Variants in NKAIN3 observed in about 807,000 individuals in gnomAD.
NKAIN3 encodes the protein sodium/potassium-transporting ATPase subunit beta-1-interacting protein 3.
Under a neutral mutation model 30.2 loss-of-function variants are expected in NKAIN3, and 25 were observed. The observed-to-expected ratio is 0.83, with a 90% CI of 0.60 to 1.16. The LOEUF (loss-of-function observed/expected upper bound fraction) is 1.16, where lower values mean the gene tolerates loss of function less well. Ranked by LOEUF, NKAIN3 falls within the 50% of genes most tolerant of loss-of-function variation. NKAIN3 has a pLI of 0.00. For synonymous variants in NKAIN3, 91 were observed against 89.6 expected (o/e 1.02, Z -0.09); for missense variants, 225 against 254.1 (o/e 0.89, Z 0.78).
At chr8:62,936,164 AC>A (rs1822781319) in intron 5 of NKAIN3, among the ~76,000 whole-genome samples, 1 of 152,136 alleles carries the variant, frequency 6.6e-6, no homozygotes. Flanking sequence ...TTGCAGAAGA[AC>A]TTGGCCATCT....
chr8:62,899,055 G>A (rs1821521716), intron 4 of NKAIN3, among the ~76,000 whole-genome samples: 1 of 152,118 alleles, frequency 6.6e-6, no homozygotes, highest in African/African-American at 2.4e-5. Flanking sequence ...AGTTAAAATG[G>A]CTTATATCCA....
chr8:62,988,912 G>A (rs527857189), downstream of NKAIN3, among the ~76,000 whole-genome samples: 16 of 152,234 alleles, frequency 1.1e-4, no homozygotes, highest in South Asian at 8.3e-4. Flanking sequence ...ATGCGTCACC[G>A]CTTAAAAATT....
intron 6 of NKAIN3, among the ~76,000 whole-genome samples, chr8:62,958,334 A>G (rs1823479542): frequency 6.6e-6 from 1 of 152,068 alleles, no homozygotes; most frequent in Admixed American, 6.5e-5. Context: ...GCCTGGGGAC[A>G]TGTGATACAC....
At chr8:62,271,656 T>C (rs1300735467) in intron 1 of NKAIN3, among the ~76,000 whole-genome samples, 1 of 152,172 alleles carries the variant, frequency 6.6e-6, no homozygotes, top group Non-Finnish European at 1.5e-5. Context: ...AAGGGTCTCA[T>C]TGGTGTGATA....
chr8:62,813,124 C>G (rs1241438229), intron 4 of NKAIN3, among the ~76,000 whole-genome samples: 1 of 151,842 alleles, frequency 6.6e-6, no homozygotes, highest in Non-Finnish European at 1.5e-5. Context: ...ATTAAATGTT[C>G]TTGGCTCCTT....
chr8:62,584,998 C>A (rs1433570796), intron 2 of NKAIN3, among the ~76,000 whole-genome samples: 2 of 152,138 alleles, frequency 1.3e-5, no homozygotes, highest in Admixed American at 6.6e-5. Flanking sequence ...CTTGATTGGG[C>A]AAACAATAAA....
intron 1 of NKAIN3, among the ~76,000 whole-genome samples, chr8:62,558,104 C>A (rs1319187977): frequency 6.6e-6 from 1 of 152,088 alleles, no homozygotes; most frequent in African/African-American, 2.4e-5. Context: ...AGAGGAGGAT[C>A]CAGTTTCATT....
intron 3 of NKAIN3, among the ~76,000 whole-genome samples, chr8:62,664,702 G>T (rs1813045721): frequency 6.6e-6 from 1 of 152,054 alleles, no homozygotes; most frequent in South Asian, 2.1e-4. Context: ...CAGAACATGA[G>T]ATTGTAATGC....
At chr8:62,362,883 C>T (rs1563365445) in intron 1 of NKAIN3, among the ~76,000 whole-genome samples, 1 of 151,718 alleles carries the variant, frequency 6.6e-6, no homozygotes, top group Non-Finnish European at 1.5e-5. Flanking sequence ...TCGGGTTTGC[C>T]TTATTTGAAC....
At chr8:62,873,631 A>G (rs1820711290) in intron 4 of NKAIN3, among the ~76,000 whole-genome samples, 1 of 151,112 alleles carries the variant, frequency 6.6e-6, no homozygotes, top group Admixed American at 6.6e-5. Flanking sequence ...AAATCATAAC[A>G]GTATCTCAGA....
intron 1 of NKAIN3, among the ~76,000 whole-genome samples, chr8:62,495,033 A>T (rs1451353612): frequency 6.6e-6 from 1 of 152,012 alleles, no homozygotes; most frequent in Non-Finnish European, 1.5e-5. Flanking sequence ...TCTGTTTTAA[A>T]GGTTACTTGG....
At chr8:62,787,899 TG>T (rs1264634132) in intron 4 of NKAIN3, among the ~76,000 whole-genome samples, 2 of 152,202 alleles carry the variant, frequency 1.3e-5, no homozygotes, top group Non-Finnish European at 2.9e-5. Flanking sequence ...ATGGTGTATA[TG>T]TGCCACATTT....
At chr8:62,614,066 G>C (rs1200130630) in intron 3 of NKAIN3, among the ~76,000 whole-genome samples, 1 of 152,210 alleles carries the variant, frequency 6.6e-6, no homozygotes, top group Admixed American at 6.5e-5. Flanking sequence ...TCTGGATGGT[G>C]TTGATGCTAG....
intron 1 of NKAIN3, among the ~76,000 whole-genome samples, chr8:62,537,636 T>G (rs1808705038): frequency 6.6e-6 from 1 of 152,042 alleles, no homozygotes; most frequent in Non-Finnish European, 1.5e-5. Context: ...TTATATCTAG[T>G]AATGCTTTAA....
chr8:62,630,096 T>C (rs1811908975), intron 3 of NKAIN3, among the ~76,000 whole-genome samples: 1 of 152,048 alleles, frequency 6.6e-6, no homozygotes, highest in Non-Finnish European at 1.5e-5. Flanking sequence ...ATTAGTAATA[T>C]ATTGTTAATC....
intron 1 of NKAIN3, among the ~76,000 whole-genome samples, chr8:62,497,109 G>A (rs1457784858): frequency 6.6e-6 from 1 of 151,994 alleles, no homozygotes; most frequent in Admixed American, 6.6e-5. Flanking sequence ...ATCTGGAAAA[G>A]ACGTTGTTTC....
intron 3 of NKAIN3, among the ~76,000 whole-genome samples, chr8:62,621,112 GTCT>G (rs1407929859): frequency 1.3e-5 from 2 of 152,108 alleles, no homozygotes; most frequent in Non-Finnish European, 2.9e-5. Context: ...TCATTTACAT[GTCT>G]TCTTTTTAAT....
intron 1 of NKAIN3, among the ~76,000 whole-genome samples, chr8:62,424,540 C>T (rs897824941): frequency 1.2e-4 from 18 of 151,416 alleles, no homozygotes; most frequent in African/African-American, 3.4e-4. Flanking sequence ...GTCAGGGACA[C>T]GAAAAAATGC....
chr8:62,731,423 T>C (rs936240630), intron 3 of NKAIN3, among the ~76,000 whole-genome samples: 5 of 152,202 alleles, frequency 3.3e-5, no homozygotes, highest in Admixed American at 2.6e-4. Flanking sequence ...ATTGATGTGA[T>C]TACTTATTGT....
Sources: gnomAD v4.1 joint callset for allele counts (sites outside exome capture counted in the v4.1 genomes callset) on GRCh38, gnomAD v4.1.1 for gene constraint, MANE v1.5 for transcripts, NCBI Gene and HGNC (gene_info 2026-07-23, HGNC 2026-07-21) for gene names.